The following MYH9 variants were observed in gnomAD, a reference collection of about 807,000 sequenced individuals.
MYH9 encodes the protein myosin-9.
A neutral mutation model predicts 241.9 loss-of-function variants in MYH9; 29 were observed. The ratio of observed to expected loss-of-function variants is 0.12; its 90% confidence interval spans 0.09 to 0.16. The LOEUF is 0.16. Among genes scored for constraint, MYH9 ranks in the 10% least tolerant of loss-of-function variants. The pLI, the probability that MYH9 is intolerant of heterozygous loss-of-function variation, is 1.00. For synonymous variants in MYH9, 1,047 were observed against 1,062.6 expected, an observed-to-expected ratio of 0.99 and a Z score of 0.29; for missense variants, 1,803 against 2,595.5, an observed-to-expected ratio of 0.69 and a Z score of 6.63.
In MYH9 at chr22:36,316,275, C is replaced by G. The variant is rs190479931; in HGVS notation, c.1380+242G>C. ...TCTCAAACTCCTGACCTCAAGCAAT[C>G]TGCCGGCCTTGGCCTCCCAAAGTGC... On this transcript the variant is annotated intron_variant, in intron 12 of 40. Coordinates refer to ENST00000216181, the MANE Select transcript of MYH9 (RefSeq NM_002473.6). 6.3e-3 allele frequency among the ~76,000 whole-genome samples: 952 copies of G among 151,388 alleles called. 7 individuals carry two copies. The highest frequency in any genetic ancestry group is 8.6e-3 in the Non-Finnish European group (582 of 67,930).
At chr22:36,317,669 G>C (rs1290998475) in intron 11 of MYH9, among the ~76,000 whole-genome samples, 2 of 152,254 alleles carry the variant, frequency 1.3e-5, no homozygotes, top group African/African-American at 4.8e-5. Context: ...ACCCCGGAGA[G>C]AGGCAGAAAG....
At position 36,348,961 on chromosome 22, in the gene MYH9, G is replaced by A. The variant is rs201634392; in HGVS notation, c.276C>T (p.Leu92=). ...GGTTGTGCAGCACCGAGGCTTCGTT[G>A]AGGCACGTGAGCTCTGCCATGTCCT... The part of the protein sequence containing the change: ...KVEDMAELTC[L]NEASVLHNLK... The change falls in exon 2 of 41, where the codon CTC becomes CTT. Residue 92 remains leucine (L), a synonymous_variant. Transcript: ENST00000216181. 145 of 1,614,046 alleles carry A rather than the reference G, an allele frequency of 9.0e-5. No individual in the cohort carries two copies. The highest frequency in any genetic ancestry group is 1.2e-4 in the Non-Finnish European group (138 of 1,180,050).
intron 6 of MYH9, among the ~76,000 whole-genome samples, 197 bp downstream of exon 6, chr22:36,322,232 C>T (rs1053387616): frequency 6.6e-6 from 1 of 152,244 alleles, no homozygotes; most frequent in Admixed American, 6.5e-5. Flanking sequence ...TACTCGTGGC[C>T]TTCGTCCTTA....
rs1324385099 is a variant in MYH9, at chr22:36,282,415, G to A, written c.*253C>T. ...CTGAGGAGCCTGCTGGTCGCTCTCT[G>A]CCTGGGCCCGGGCCCTGTCTCTTTG... On this transcript the variant is annotated 3_prime_UTR_variant, in exon 41 of 41. Coordinates refer to ENST00000216181, the MANE Select transcript of MYH9 (RefSeq NM_002473.6). 1.6e-6 allele frequency: 1 copy of A among 610,402 alleles called. No individual in the cohort carries two copies. The highest frequency in any genetic ancestry group is 2.9e-6 in the Non-Finnish European group (1 of 340,144). The allele number at this position is 610,402 out of a possible 1,614,324, so 37.8% of individuals were successfully genotyped here.
intron 13 of MYH9, 149 bp from the exon 14 acceptor site, chr22:36,312,371 AT>A: frequency 1.3e-6 from 1 of 780,680 alleles, no homozygotes; most frequent in Non-Finnish European, 2.0e-6. Context: ...ACTGTTGAAG[AT>A]TTCTAGCTTC....
rs1175047471 is a variant in MYH9 at position 36,289,150 on chromosome 22, G to A, written c.4492C>T (p.Leu1498Phe). 1 of 1,614,002 alleles carries A rather than the reference G, an allele frequency of 6.2e-7. No individual in the cohort carries two copies. Among genetic ancestry groups the A allele is most frequent in the Non-Finnish European group, 8.5e-7 (1 of 1,180,042 alleles). The stretch of plus-strand genomic sequence containing the variant: ...ATCTCCGTGCGGAACTGCTTGTTGA[G>A]CCGCTCCAGCTCCGCCTTCTGCTCC... ...AMEQKAELER[L>F]NKQFRTEMED... is the part of the protein sequence containing the mutation. Residue 1498 changes from leucine (L) to phenylalanine (F), a missense_variant, in exon 32 of 41, where the codon CTC becomes TTC. Physicochemically the swap from Leu to Phe is conservative, Grantham distance 22 (BLOSUM62 0). Transcript: ENST00000216181.
At position 36,285,701 on chromosome 22, in the gene MYH9, T is replaced by C; in HGVS notation, c.5231A>G (p.Asn1744Ser). 1 of 1,613,158 alleles carries C rather than the reference T, an allele frequency of 6.2e-7. No homozygotes were observed. ...CAGCCGGTCGTTGATCAGCTCCGTG[T>C]TGCCCTGCTCCTCCTCCAGCTCCTC... Reference protein sequence around the residue: ...LEEELEEEQGNTELINDRLKK... With the variant: ...LEEELEEEQGSTELINDRLKK... The change falls in exon 37 of 41, where the codon AAC becomes AGC. Residue 1744 changes from asparagine to serine, a missense_variant. This residue lies in a region of MYH9 where 876 missense variants were observed against 1,077.8 expected (regional missense o/e 0.81). Coordinates refer to ENST00000216181, the MANE Select transcript of MYH9 (RefSeq NM_002473.6). The surrounding 1 kb of genome is among the most constrained non-coding windows in gnomAD (Gnocchi z 7.0).
Position 36,306,315 on chromosome 22 carries a change from C to G in MYH9, c.2037+99G>C, listed in dbSNP as rs2146348546. On this transcript the variant is annotated intron_variant, in intron 16 of 40. Transcript: ENST00000216181. The surrounding 1 kb of genome is among the most constrained non-coding windows in gnomAD (Gnocchi z 4.1). ...GAAACGACTGAAGGCTCTGTGCATG[C>G]TGGGGGGCTGGAGGGGTGCTTTTGC... is the stretch of plus-strand genomic sequence containing the variant. The G allele has an allele frequency of 2.0e-6, 3 of 1,485,216 alleles. No individual in the cohort carries two copies. The South Asian group carries it at 3.5e-5, about 17-fold the overall frequency. The allele number at this position is 1,485,216 out of a possible 1,614,324, so 92.0% of individuals were successfully genotyped here.
chr22:36,293,972 G>C lies in MYH9; in HGVS notation c.3838-109C>G, dbSNP rs1309076890. On this transcript the variant is annotated intron_variant, in intron 28 of 40. Transcript: ENST00000216181. This position sits in a 1 kb window ranked among gnomAD's most constrained non-coding sequence, Gnocchi z 5.1. ...ACCTGAGTCACAAGCTGAACCATGAGGGTCTGAGGAGCCAGTTTGAGAAGA... is the reference window on the plus strand; with the variant it reads ...ACCTGAGTCACAAGCTGAACCATGACGGTCTGAGGAGCCAGTTTGAGAAGA... The C allele has an allele frequency of 1.0e-5, 15 of 1,455,396 alleles. No homozygotes were observed. The highest frequency in any genetic ancestry group is 1.4e-5 in the Non-Finnish European group (15 of 1,056,166). The allele number at this position is 1,455,396 out of a possible 1,614,324, so 90.2% of individuals were successfully genotyped here. A position where few individuals can be genotyped will look rare whatever the true frequency, so the allele number is the denominator to read the frequency against.
chr22:36,324,042 G>A lies in MYH9; in HGVS notation c.613-1521C>T, dbSNP rs528788292. On this transcript the variant is annotated intron_variant, in intron 5 of 40. Transcript: ENST00000216181. ...CTACGCCGTTCCTCTCAGAGCACAGGCCAGGCTGCCAGGCTGGCTGAACCG... is the reference window on the plus strand; with the variant it reads ...CTACGCCGTTCCTCTCAGAGCACAGACCAGGCTGCCAGGCTGGCTGAACCG... 2.4e-3 allele frequency among the ~76,000 whole-genome samples: 366 copies of A among 152,316 alleles called. 2 individuals carry two copies. The highest frequency in any genetic ancestry group is 7.6e-3 in the African/African-American group (314 of 41,568).
At position 36,387,783 on chromosome 22, in the gene MYH9, G is replaced by T. The variant is rs1474814257; in HGVS notation, c.-20+24C>A. ...CCGCCCGCCGCCGCCTGCCCGGGGCGGGACCGCGGTGGGGCTCGCTCACCT... is the reference window on the plus strand; with the variant it reads ...CCGCCCGCCGCCGCCTGCCCGGGGCTGGACCGCGGTGGGGCTCGCTCACCT... On this transcript the variant is annotated intron_variant, in intron 1 of 40. Transcript: ENST00000216181. The T allele has an allele frequency of 2.6e-5, 4 of 152,100 alleles. No individual in the cohort carries two copies. The East Asian group carries it at 7.7e-4, about 29-fold the overall frequency. 9.4% of individuals were successfully genotyped at this position (152,100 alleles called of 1,614,324 possible).
At chr22:36,363,922 CAA>C (rs1331152186) in intron 1 of MYH9, among the ~76,000 whole-genome samples, 2 of 152,246 alleles carry the variant, frequency 1.3e-5, no homozygotes, top group Non-Finnish European at 2.9e-5. Context: ...ATTCCTGCAG[CAA>C]AGTTATTCCT....
intron 15 of MYH9, chr22:36,308,781 A>C (rs1475385012): frequency 5.1e-6 from 5 of 978,172 alleles, no homozygotes; most frequent in East Asian, 1.1e-4. Flanking sequence ...CACACACACA[A>C]GAGACACCAC....
chr22:36,302,752 AG>A lies in MYH9; in HGVS notation c.2391-77del. The A allele has an allele frequency of 5.3e-6, 7 of 1,320,202 alleles. No homozygotes were observed. The South Asian group carries it at 8.4e-5, about 16-fold the overall frequency. The allele number at this position is 1,320,202 out of a possible 1,614,324, so 81.8% of individuals were successfully genotyped here. Reference sequence around the variant, plus strand: ...CCTAACAGTCCTGGTCTTGTCCTCAAGCTTTTCTGGGGGTCTACCCTTGCCT... The same window carrying A: ...CCTAACAGTCCTGGTCTTGTCCTCAACTTTTCTGGGGGTCTACCCTTGCCT... On this transcript the variant is annotated intron_variant, in intron 19 of 40. Transcript: ENST00000216181.
At position 36,306,284 on chromosome 22, in the gene MYH9, T is replaced by C. The variant is rs1327812191; in HGVS notation, c.2037+130A>G. ...CTCCTAAGCGAGCCAAGGCCCACCCTGCAGAGAAACGACTGAAGGCTCTGT... is the reference window on the plus strand; with the variant it reads ...CTCCTAAGCGAGCCAAGGCCCACCCCGCAGAGAAACGACTGAAGGCTCTGT... On this transcript the variant is annotated intron_variant, in intron 16 of 40. Transcript: ENST00000216181. This position sits in a 1 kb window ranked among gnomAD's most constrained non-coding sequence, Gnocchi z 4.1. 1.9e-5 allele frequency: 25 copies of C among 1,349,076 alleles called. No individual in the cohort carries two copies. The highest frequency in any genetic ancestry group is 2.5e-5 in the Non-Finnish European group (24 of 970,930). The allele number at this position is 1,349,076 out of a possible 1,614,324, so 83.6% of individuals were successfully genotyped here. A position where few individuals can be genotyped will look rare whatever the true frequency, so the allele number is the denominator to read the frequency against.
chr22:36,297,912 T>C (rs559481039), intron 24 of MYH9, among the ~76,000 whole-genome samples: 2 of 152,318 alleles, frequency 1.3e-5, no homozygotes, highest in East Asian at 3.9e-4. Flanking sequence ...CAGCAGCATA[T>C]GTGTGCTCTG....
rs1447629268 is a variant in MYH9 at position 36,288,689 on chromosome 22, C to G, written c.4770+38G>C. ...AGAAGCCTGCGTGAAGCCAAGGCAG[C>G]CTTGGGCACCCATGGGGTAGCAGGA... On this transcript the variant is annotated intron_variant, in intron 33 of 40. Coordinates refer to ENST00000216181, the MANE Select transcript of MYH9 (RefSeq NM_002473.6). The surrounding 1 kb of genome is among the most constrained non-coding windows in gnomAD (Gnocchi z 4.8). 19 of 1,598,666 alleles carry G rather than the reference C, an allele frequency of 1.2e-5. No homozygotes were observed. The highest frequency in any genetic ancestry group is 1.6e-5 in the Non-Finnish European group (19 of 1,179,006).
intron 13 of MYH9, among the ~76,000 whole-genome samples, chr22:36,313,069 G>A (rs1295798909): frequency 2.0e-5 from 3 of 146,632 alleles, no homozygotes; most frequent in Admixed American, 1.4e-4. Context: ...CAGCCTGGGC[G>A]ACAAGAACAA....
At chr22:36,373,004 C>T (rs2018111811) in intron 1 of MYH9, among the ~76,000 whole-genome samples, 1 of 152,170 alleles carries the variant, frequency 6.6e-6, no homozygotes, top group Admixed American at 6.5e-5. Flanking sequence ...TTTCTAGCCC[C>T]TTGACCACCC....
Sources: allele counts gnomAD v4.1 joint callset (sites outside exome capture counted in the v4.1 genomes callset), GRCh38; gene constraint gnomAD v4.1.1; regional missense constraint gnomAD v4.1.1; non-coding constraint Gnocchi (gnomAD v3.1); transcripts MANE v1.5; gene names NCBI Gene and HGNC (gene_info 2026-07-23, HGNC 2026-07-21).